Variants in PHACTR4 observed in about 807,000 individuals in gnomAD.
PHACTR4 encodes protein phosphatase 1, regulatory subunit 124.
Under a neutral mutation model 72.7 loss-of-function variants are expected in PHACTR4, and 51 were observed. The ratio of observed to expected loss-of-function variants is 0.70; its 90% CI spans 0.56 to 0.89. The LOEUF (loss-of-function observed/expected upper bound fraction) is 0.89. Among genes scored for constraint, PHACTR4 ranks in the 40% least tolerant of loss-of-function variants. PHACTR4 has a pLI of 0.00. For synonymous variants in PHACTR4, 255 were observed against 302.5 expected (o/e 0.84, Z 1.63); for missense variants, 731 against 861.8 (o/e 0.85, Z 1.90).
At chr1:28,478,250 A>T (rs1450416250) in intron 8 of PHACTR4, among the ~76,000 whole-genome samples, 31 of 152,210 alleles carry the variant, frequency 2.0e-4, no homozygotes, top group Admixed American at 2.0e-3. Flanking sequence ...TTCATGGCAG[A>T]ATAATCTTCA....
intron 2 of PHACTR4, among the ~76,000 whole-genome samples, chr1:28,435,009 GT>G: frequency 6.6e-6 from 1 of 152,242 alleles, no homozygotes; most frequent in South Asian, 2.1e-4. Context: ...AATGTGCCCA[GT>G]TTGAACTTAC....
chr1:28,403,567 G>A (rs1282390535), intron 1 of PHACTR4, among the ~76,000 whole-genome samples: 2 of 152,038 alleles, frequency 1.3e-5, no homozygotes, highest in Non-Finnish European at 2.9e-5. Context: ...CAAAAAAACA[G>A]TATTTTTGAG....
intron 2 of PHACTR4, among the ~76,000 whole-genome samples, chr1:28,419,917 CCTT>C (rs1655403611): frequency 6.6e-6 from 1 of 152,134 alleles, no homozygotes. Context: ...TTGTGTATAT[CCTT>C]CTAGTTCATT....
At chr1:28,407,183 C>G (rs1654397166) in intron 1 of PHACTR4, among the ~76,000 whole-genome samples, 1 of 148,336 alleles carries the variant, frequency 6.7e-6, no homozygotes, top group South Asian at 2.1e-4. Flanking sequence ...AAGAGGCTGA[C>G]ATGGGAGGCT....
chr1:28,431,140 C>G (rs1349577452), intron 2 of PHACTR4, among the ~76,000 whole-genome samples: 1 of 147,420 alleles, frequency 6.8e-6, no homozygotes, highest in Non-Finnish European at 1.5e-5. Context: ...GATCGCGCCA[C>G]TGCACTCCAG....
In PHACTR4 at chr1:28,475,729, C is replaced by CTTTTTTTTTTT. The variant is rs71672836; in HGVS notation, c.1422-374_1422-364dup. Among the ~76,000 whole-genome samples the CTTTTTTTTTTT allele has an allele frequency of 3.1e-3, 419 of 135,218 alleles. 19 individuals carry two copies. Among genetic ancestry groups the CTTTTTTTTTTT allele is most frequent in the African/African-American group, 0.012 (402 of 33,902 alleles). The allele number at this position is 135,218 out of a possible 152,430, so 88.7% of individuals were successfully genotyped here. ...ATTTATGGTTATTTCAGTCCTTTGTCTTTTTTTTTTTTTTGAGATAGAATC... is the reference window on the plus strand; with the variant it reads ...ATTTATGGTTATTTCAGTCCTTTGTCTTTTTTTTTTTTTTTTTTTTTTTTTGAGATAGAATC... On this transcript the variant is annotated intron_variant, in intron 7 of 13. Coordinates refer to ENST00000373839, the MANE Select transcript of PHACTR4 (RefSeq NM_001048183.3).
At chr1:28,408,971 C>T (rs1016676018) in intron 2 of PHACTR4, among the ~76,000 whole-genome samples, 4 of 151,920 alleles carry the variant, frequency 2.6e-5, no homozygotes, top group African/African-American at 9.7e-5. Context: ...TGAGCCACTG[C>T]ACCCAGCCTA....
intron 2 of PHACTR4, among the ~76,000 whole-genome samples, chr1:28,446,914 A>G (rs556759675): frequency 1.3e-5 from 2 of 152,282 alleles, no homozygotes; most frequent in African/African-American, 2.4e-5. Flanking sequence ...CCAGGCAGAT[A>G]CTAGCATCAT....
chr1:28,469,099 A>G (rs1659400955), intron 6 of PHACTR4, among the ~76,000 whole-genome samples: 1 of 152,216 alleles, frequency 6.6e-6, no homozygotes, highest in Non-Finnish European at 1.5e-5. Flanking sequence ...GATTTAATTT[A>G]AAGGACTCTC....
At chr1:28,467,328 T>TA (rs1212145019) in intron 6 of PHACTR4, 2 of 152,932 alleles carry the variant, frequency 1.3e-5, no homozygotes, top group Non-Finnish European at 2.9e-5. Flanking sequence ...TTTTTTAATC[T>TA]AATATTTAAT....
chr1:28,491,516 C>T (rs946552704), intron 11 of PHACTR4, 134 bp from the exon 12 acceptor site: 7 of 1,229,898 alleles, frequency 5.7e-6, no homozygotes, highest in Non-Finnish European at 8.2e-6. Flanking sequence ...GGTGGGACCT[C>T]CAGGGATCAA....
intron 2 of PHACTR4, among the ~76,000 whole-genome samples, chr1:28,458,046 T>G (rs1658520070): frequency 6.6e-6 from 1 of 151,922 alleles, no homozygotes; most frequent in African/African-American, 2.4e-5. Flanking sequence ...TTATTTCAGT[T>G]CTGCACATGT....
At chr1:28,470,803 C>T (rs1183673988) in intron 6 of PHACTR4, among the ~76,000 whole-genome samples, 1 of 151,976 alleles carries the variant, frequency 6.6e-6, no homozygotes, top group Non-Finnish European at 1.5e-5. Context: ...ATAGGTGTAT[C>T]ACTGGAGCCC....
intron 1 of PHACTR4, among the ~76,000 whole-genome samples, chr1:28,386,165 C>T (rs1033801044): frequency 6.6e-6 from 1 of 152,014 alleles, no homozygotes; most frequent in African/African-American, 2.4e-5. Context: ...GCGATCTCGG[C>T]TCATTGCAGC....
chr1:28,474,224 A>G (rs752055074), intron 7 of PHACTR4, 73 bp downstream of exon 7: 12 of 1,408,772 alleles, frequency 8.5e-6, no homozygotes, highest in South Asian at 2.8e-5. Context: ...AATTACTTAT[A>G]AAAAGAAAAT....
chr1:28,371,466 TG>T (rs1651240410), intron 1 of PHACTR4, among the ~76,000 whole-genome samples: 1 of 151,974 alleles, frequency 6.6e-6, no homozygotes, highest in African/African-American at 2.4e-5. Flanking sequence ...AGCTAGTTTT[TG>T]TATTTTTGGT....
intron 2 of PHACTR4, among the ~76,000 whole-genome samples, chr1:28,446,793 G>T (rs1263714421): frequency 6.6e-6 from 1 of 151,588 alleles, no homozygotes; most frequent in Non-Finnish European, 1.5e-5. Context: ...AAAAAGAAAA[G>T]TGTGTGGCAC....
chr1:28,473,578 G>C lies in PHACTR4; in HGVS notation c.848G>C (p.Ser283Thr). 6.2e-7 allele frequency: 1 copy of C among 1,611,776 alleles called. No individual in the cohort carries two copies. Reference protein sequence around the residue: ...VIAELSQAINSGTLLSKPSPP... With the variant: ...VIAELSQAINTGTLLSKPSPP... ...GCTGAACTGTCCCAAGCAATAAACAGTGGTACATTGTTATCAAAACCGTCC... is the reference window on the plus strand; with the variant it reads ...GCTGAACTGTCCCAAGCAATAAACACTGGTACATTGTTATCAAAACCGTCC... Residue 283 changes from serine to threonine, a missense_variant, in exon 7 of 14, where the codon AGT (serine) becomes ACT (threonine). Transcript: ENST00000373839.
chr1:28,492,534 G>C (rs1021181826), intron 12 of PHACTR4, among the ~76,000 whole-genome samples: 1 of 151,914 alleles, frequency 6.6e-6, no homozygotes, highest in African/African-American at 2.4e-5. Flanking sequence ...GGCCGAAGCA[G>C]GTAGATCTCT....
Sources: allele counts gnomAD v4.1 joint callset (sites outside exome capture counted in the v4.1 genomes callset), GRCh38; gene constraint gnomAD v4.1.1; transcripts MANE v1.5; gene names NCBI Gene and HGNC (gene_info 2026-07-23, HGNC 2026-07-21).